Variants in ITPR2 observed in about 807,000 individuals in gnomAD.
The protein encoded by ITPR2 is inositol 1,4,5-trisphosphate receptor type 2, also known as inositol 1,4,5-trisphosphate-gated calcium channel ITPR2.
ITPR2 carries 207 observed loss-of-function variants against 317.1 expected under a neutral mutation model. That is an observed-to-expected ratio of 0.65 (90% CI 0.58 to 0.73). The LOEUF (loss-of-function observed/expected upper bound fraction) is 0.73, where lower values mean the gene tolerates loss of function less well. ITPR2 is among the 30% of genes least tolerant of loss of function. The pLI is 0.00. For synonymous variants in ITPR2, 1,156 were observed against 1,149.1 expected, an observed-to-expected ratio of 1.01 and a Z score of -0.12; for missense variants, 2,613 against 3,284.0, an observed-to-expected ratio of 0.80 and a Z score of 4.99.
In ITPR2 at chr12:26,388,200, C is replaced by T. The variant is rs747417124; in HGVS notation, c.7697-606G>A. ...CCATTTCCAGGGCACATTTTTAAGC[C>T]TTTGGAAGTACAGTAAAGAAAGCAC... On this transcript the variant is annotated intron_variant, in intron 54 of 56. Coordinates refer to ENST00000381340, the MANE Select transcript of ITPR2 (RefSeq NM_002223.4). Among the ~76,000 whole-genome samples, 55 of 152,126 alleles carry T rather than the reference C, an allele frequency of 3.6e-4. No individual in the cohort carries two copies. The South Asian group carries it at 4.6e-3, about 13-fold the overall frequency.
At chr12:26,465,829 C>T (rs982447752) in intron 45 of ITPR2, among the ~76,000 whole-genome samples, 2 of 152,088 alleles carry the variant, frequency 1.3e-5, no homozygotes, top group South Asian at 4.1e-4. Context: ...ACAACTGCAT[C>T]TATAAAGCAC....
At chr12:26,391,633 C>T (rs1939852603) in intron 54 of ITPR2, among the ~76,000 whole-genome samples, 1 of 131,782 alleles carries the variant, frequency 7.6e-6, no homozygotes, top group Non-Finnish European at 1.5e-5. Context: ...GGTGCGATCT[C>T]AGCTCACTGC....
intron 37 of ITPR2, among the ~76,000 whole-genome samples, chr12:26,496,024 T>C (rs764435002): frequency 6.6e-6 from 1 of 152,236 alleles, no homozygotes; most frequent in Non-Finnish European, 1.5e-5. Flanking sequence ...TTTAAAATAA[T>C]ACATTTTGTA....
At chr12:26,819,538 AT>A (rs1349964837) in intron 1 of ITPR2, among the ~76,000 whole-genome samples, 1 of 152,182 alleles carries the variant, frequency 6.6e-6, no homozygotes, top group East Asian at 1.9e-4. Context: ...TACTCGCTGC[AT>A]TTTTATCAGC....
At chr12:26,750,091 A>G (rs950514979) in intron 2 of ITPR2, among the ~76,000 whole-genome samples, 5 of 152,216 alleles carry the variant, frequency 3.3e-5, no homozygotes, top group African/African-American at 1.2e-4. Context: ...GTAACCTTGC[A>G]TAAGAGTAGC....
chr12:26,469,308 T>G (rs1017090866), intron 45 of ITPR2, among the ~76,000 whole-genome samples: 1 of 152,186 alleles, frequency 6.6e-6, no homozygotes, highest in Non-Finnish European at 1.5e-5. Flanking sequence ...AGGTGATTAG[T>G]GTAATAGTCA....
chr12:26,620,931 T>C (rs907575628), intron 26 of ITPR2, among the ~76,000 whole-genome samples, 192 bp downstream of exon 26: 3 of 152,212 alleles, frequency 2.0e-5, no homozygotes, highest in South Asian at 2.1e-4. Flanking sequence ...TAAGAAGTGG[T>C]AGAAATTGAT....
At position 26,776,179 on chromosome 12, in the gene ITPR2, C is replaced by T. The variant is rs200611674; in HGVS notation, c.163+13978G>A. Among the ~76,000 whole-genome samples the T allele has an allele frequency of 5.8e-4, 88 of 151,964 alleles. 1 individual carries two copies. The highest frequency in any genetic ancestry group is 1.2e-3 in the East Asian group (6 of 5,166). ...TTAGCATGAGCTGTTTAAAGAGTTA[C>T]GCAAAATAAACGCATTTGACACTCC... On this transcript the variant is annotated intron_variant, in intron 2 of 56. Coordinates refer to ENST00000381340, the MANE Select transcript of ITPR2 (RefSeq NM_002223.4).
intron 37 of ITPR2, among the ~76,000 whole-genome samples, chr12:26,548,854 A>G (rs1486337001): frequency 6.6e-6 from 1 of 152,208 alleles, no homozygotes; most frequent in Non-Finnish European, 1.5e-5. Flanking sequence ...TTTATTTTAG[A>G]GTGGTTTGGG....
intron 1 of ITPR2, among the ~76,000 whole-genome samples, chr12:26,793,341 G>C (rs1157582015): frequency 1.3e-5 from 2 of 152,118 alleles, no homozygotes; most frequent in African/African-American, 4.8e-5. Context: ...AAATTTGGCT[G>C]AATCATTTGG....
intron 3 of ITPR2, among the ~76,000 whole-genome samples, 199 bp downstream of exon 3, chr12:26,725,451 T>C (rs895801901): frequency 2.0e-5 from 3 of 152,196 alleles, no homozygotes; most frequent in Non-Finnish European, 4.4e-5. Flanking sequence ...ACAGCAGCAG[T>C]AATGTGCTAC....
chr12:26,668,794 T>C (rs1042125713), intron 13 of ITPR2, among the ~76,000 whole-genome samples: 2 of 143,724 alleles, frequency 1.4e-5, no homozygotes, highest in African/African-American at 2.5e-5. Flanking sequence ...AAATGAAAAA[T>C]AGGTGGATAT....
intron 3 of ITPR2, among the ~76,000 whole-genome samples, 190 bp downstream of exon 3, chr12:26,725,460 A>T (rs1246056768): frequency 1.3e-5 from 2 of 152,230 alleles, no homozygotes; most frequent in Non-Finnish European, 2.9e-5. Flanking sequence ...GTAATGTGCT[A>T]CCTACATGCC....
intron 34 of ITPR2, among the ~76,000 whole-genome samples, chr12:26,570,465 T>C (rs867278513): frequency 6.6e-6 from 1 of 152,204 alleles, no homozygotes; most frequent in South Asian, 2.1e-4. Flanking sequence ...ACACCTTAGA[T>C]AGATTAAAAT....
At chr12:26,491,112 A>G (rs1942790444) in intron 39 of ITPR2, among the ~76,000 whole-genome samples, 2 of 152,170 alleles carry the variant, frequency 1.3e-5, no homozygotes, top group Non-Finnish European at 2.9e-5. Flanking sequence ...ATCATGAAGT[A>G]TCTTATGGAC....
intron 54 of ITPR2, among the ~76,000 whole-genome samples, chr12:26,392,352 A>T (rs183086880): frequency 6.6e-6 from 1 of 152,272 alleles, no homozygotes; most frequent in East Asian, 1.9e-4. Flanking sequence ...TGACTTTCTC[A>T]TCATTCGCCA....
At chr12:26,704,085 A>G (rs1263976045) in intron 9 of ITPR2, among the ~76,000 whole-genome samples, 1 of 152,236 alleles carries the variant, frequency 6.6e-6, no homozygotes, top group Non-Finnish European at 1.5e-5. Context: ...AAAATGCTCA[A>G]TGAACTCTAA....
At chr12:26,795,909 A>G (rs1422799097) in intron 1 of ITPR2, among the ~76,000 whole-genome samples, 2 of 149,912 alleles carry the variant, frequency 1.3e-5, no homozygotes, top group Admixed American at 1.3e-4. Context: ...GCTTAAACCC[A>G]GGAGGCAGAG....
In ITPR2 at chr12:26,588,649, A is replaced by C. The variant is rs971533067; in HGVS notation, c.4380+6816T>G. Among the ~76,000 whole-genome samples, 6 of 152,324 alleles carry C rather than the reference A, an allele frequency of 3.9e-5. 1 individual carries two copies. Among genetic ancestry groups the C allele is most frequent in the Admixed American group, 3.9e-4 (6 of 15,302 alleles). On this transcript the variant is annotated intron_variant, in intron 32 of 56. Transcript: ENST00000381340. Reference sequence around the variant, plus strand: ...TTATTTGGTAAGTTAAGGGAGCAAAAATTTTAAGTAAAAACTTGACTCAAT... The same window carrying C: ...TTATTTGGTAAGTTAAGGGAGCAAACATTTTAAGTAAAAACTTGACTCAAT...
Sources: allele counts gnomAD v4.1 joint callset (sites outside exome capture counted in the v4.1 genomes callset), GRCh38; gene constraint gnomAD v4.1.1; transcripts MANE v1.5; gene names NCBI Gene and HGNC (gene_info 2026-07-23, HGNC 2026-07-21).